TRIP12: variants seen among roughly 807,000 people sequenced by gnomAD.
TRIP12 encodes the protein thyroid hormone receptor interactor 12.
A neutral mutation model predicts 244.2 loss-of-function variants in TRIP12; 25 were observed. The observed-to-expected ratio is 0.10, with a 90% CI of 0.07 to 0.14. The LOEUF is 0.14. TRIP12 is among the 10% of genes least tolerant of loss of function. The pLI, the probability that TRIP12 is intolerant of heterozygous loss-of-function variation, is 1.00. For synonymous variants in TRIP12, 905 were observed against 873.1 expected (o/e 1.04, Z -0.64); for missense variants, 1,677 against 2,486.4 (o/e 0.67, Z 6.92).
At chr2:229,858,511 C>G (rs574667196) in intron 4 of TRIP12, among the ~76,000 whole-genome samples, 1 of 152,004 alleles carries the variant, frequency 6.6e-6, no homozygotes, top group Non-Finnish European at 1.5e-5. Context: ...TAGGAGATGC[C>G]GCGAGGACCA....
intron 4 of TRIP12, among the ~76,000 whole-genome samples, chr2:229,856,222 G>A (rs1424653239): frequency 6.6e-6 from 1 of 152,196 alleles, no homozygotes; most frequent in African/African-American, 2.4e-5. Flanking sequence ...AAACGGAAAA[G>A]TGATTTAATA....
At chr2:229,889,622 T>G (rs1184885757) in intron 1 of TRIP12, among the ~76,000 whole-genome samples, 1 of 152,212 alleles carries the variant, frequency 6.6e-6, no homozygotes, top group East Asian at 1.9e-4. Context: ...TACTTCCTCT[T>G]AAGGGTATCA....
intron 34 of TRIP12, 112 bp downstream of exon 34, chr2:229,785,645 G>C (rs562538008): frequency 5.2e-6 from 5 of 964,836 alleles, no homozygotes; most frequent in East Asian, 5.2e-5. Flanking sequence ...AGAGAAAAGA[G>C]AGCAAAGTCT....
chr2:229,810,512 A>C (rs945875723), intron 15 of TRIP12, among the ~76,000 whole-genome samples: 1 of 152,220 alleles, frequency 6.6e-6, no homozygotes, highest in African/African-American at 2.4e-5. Flanking sequence ...AAATTGCTAG[A>C]AAATCTAACA....
At chr2:229,867,437 T>C (rs2061758867) in intron 2 of TRIP12, among the ~76,000 whole-genome samples, 2 of 152,088 alleles carry the variant, frequency 1.3e-5, no homozygotes, top group Admixed American at 1.3e-4. Flanking sequence ...AGTTGTGGGA[T>C]TACAGGTATG....
At chr2:229,804,704 G>T (rs938984672) in intron 18 of TRIP12, among the ~76,000 whole-genome samples, 1 of 152,162 alleles carries the variant, frequency 6.6e-6, no homozygotes, top group African/African-American at 2.4e-5. Context: ...TATACAAGGG[G>T]TTGACAAAGT....
At chr2:229,910,157 G>C (rs562655734) in intron 1 of TRIP12, among the ~76,000 whole-genome samples, 25 of 152,114 alleles carry the variant, frequency 1.6e-4, no homozygotes, top group Non-Finnish European at 2.6e-4. Context: ...AATAACTATA[G>C]ATAGATTAAG....
chr2:229,814,761 C>A (rs550513601), intron 11 of TRIP12, among the ~76,000 whole-genome samples: 1 of 152,262 alleles, frequency 6.6e-6, no homozygotes, highest in East Asian at 1.9e-4. Flanking sequence ...AATTTCTATT[C>A]CCCACTGATT....
chr2:229,813,667 C>A (rs1275475443), intron 13 of TRIP12, among the ~76,000 whole-genome samples: 1 of 151,986 alleles, frequency 6.6e-6, no homozygotes, highest in African/African-American at 2.4e-5. Flanking sequence ...GCCTGTAATC[C>A]CAGCTACTCG....
Position 229,851,822 on chromosome 2 carries a change from C to A in TRIP12, c.1027+6950G>T, listed in dbSNP as rs188248011. ...CAGAAGGAAGAAACTCCAAACACAT[C>A]CGAACATCAGAAGGAACAAACTCCA... On this transcript the variant is annotated intron_variant, in intron 4 of 41. Coordinates refer to ENST00000675903, the MANE Select transcript of TRIP12 (RefSeq NM_001348323.3). Among the ~76,000 whole-genome samples the A allele has an allele frequency of 2.7e-3, 413 of 152,212 alleles. 3 individuals carry two copies. Among genetic ancestry groups the A allele is most frequent in the Admixed American group, 4.8e-3 (74 of 15,290 alleles).
chr2:229,826,160 AAT>A (rs1481025096), intron 8 of TRIP12, among the ~76,000 whole-genome samples: 7 of 152,190 alleles, frequency 4.6e-5, no homozygotes, highest in South Asian at 4.1e-4. Flanking sequence ...CTAAATTATT[AAT>A]ACTTTCTTTA....
intron 30 of TRIP12, among the ~76,000 whole-genome samples, chr2:229,790,546 G>A (rs994128913): frequency 1.3e-5 from 2 of 151,828 alleles, no homozygotes; most frequent in East Asian, 1.9e-4. Context: ...GGGGAGGGGG[G>A]GGTGTCCTCC....
intron 26 of TRIP12, among the ~76,000 whole-genome samples, chr2:229,793,828 A>T (rs1012909591): frequency 2.0e-5 from 3 of 150,630 alleles, no homozygotes; most frequent in Non-Finnish European, 4.4e-5. Context: ...AAATTCGTAA[A>T]CTTTCTTAAA....
rs529152244 is a variant in TRIP12, at chr2:229,803,383, G to A, written c.2998+188C>T. Among the ~76,000 whole-genome samples, 4 of 152,284 alleles carry A rather than the reference G, an allele frequency of 2.6e-5. No homozygotes were observed. The South Asian group carries it at 8.3e-4, about 32-fold the overall frequency. On this transcript the variant is annotated intron_variant, in intron 20 of 41. Coordinates refer to ENST00000675903, the MANE Select transcript of TRIP12 (RefSeq NM_001348323.3). ...CCTGCCTTGGCCTCCCAAAGTGCTG[G>A]GGTTACAGGCGTGAGCCACCACGCC...
Position 229,774,336 on chromosome 2 carries a change from C to T in TRIP12, c.5530-75G>A. 7.0e-6 allele frequency: 10 copies of T among 1,435,012 alleles called. No individual in the cohort carries two copies. In the South Asian group the frequency reaches 1.4e-4, roughly 20 times the overall value. 88.9% of individuals were successfully genotyped at this position (1,435,012 alleles called of 1,614,324 possible). A position where few individuals can be genotyped will look rare whatever the true frequency, so the allele number is the denominator to read the frequency against. ...GGTTGTTTAAAAAAATAAAAGATAT[C>T]CTAATAAAATATAAGCTATCCTAAT... On this transcript the variant is annotated intron_variant, in intron 37 of 41. Coordinates refer to ENST00000675903, the MANE Select transcript of TRIP12 (RefSeq NM_001348323.3).
At chr2:229,785,921 G>T in intron 33 of TRIP12, 66 bp from the exon 34 acceptor site, 1 of 1,407,620 alleles carries the variant, frequency 7.1e-7, no homozygotes, top group Non-Finnish European at 9.6e-7. Flanking sequence ...TAAACAGGTG[G>T]CATTTCTTGA....
intron 38 of TRIP12, 90 bp downstream of exon 38, chr2:229,774,007 C>A: frequency 1.4e-6 from 2 of 1,409,044 alleles, no homozygotes; most frequent in Non-Finnish European, 2.0e-6. Context: ...AGGTCTCAAG[C>A]CATAGCGTGT....
chr2:229,894,229 T>C (rs927487391), intron 1 of TRIP12: 1 of 152,258 alleles, frequency 6.6e-6, no homozygotes, highest in Middle Eastern at 3.4e-3. Flanking sequence ...ATTTCCCTAA[T>C]AACTAATGAT....
intron 2 of TRIP12, among the ~76,000 whole-genome samples, chr2:229,879,347 T>C (rs1307220338): frequency 2.0e-5 from 3 of 152,192 alleles, no homozygotes; most frequent in Non-Finnish European, 4.4e-5. Flanking sequence ...GAGTTCTGAG[T>C]ATTTTTTACA....
Sources: gnomAD v4.1 joint callset for allele counts (sites outside exome capture counted in the v4.1 genomes callset) on GRCh38, gnomAD v4.1.1 for gene constraint, MANE v1.5 for transcripts, NCBI Gene and HGNC (gene_info 2026-07-23, HGNC 2026-07-21) for gene names.